Variants in SNX29 observed in about 807,000 individuals in gnomAD.
SNX29 encodes the protein sorting nexin 29.
Under a neutral mutation model 102.1 loss-of-function variants are expected in SNX29, and 78 were observed. The ratio of observed to expected loss-of-function variants is 0.76; its 90% CI spans 0.64 to 0.92. SNX29 has a LOEUF of 0.92. Among genes scored for constraint, SNX29 ranks in the 40% least tolerant of loss-of-function variants. The probability of loss-of-function intolerance (pLI) is 0.00; values close to 1 mark genes in which losing one functional copy is unlikely to be tolerated. For synonymous variants in SNX29, 580 were observed against 414.5 expected (o/e 1.40, Z -4.85); for missense variants, 1,280 against 1,061.7 (o/e 1.21, Z -2.86).
Position 12,512,339 on chromosome 16 carries a change from G to A in SNX29, c.2179-12363G>A, listed in dbSNP as rs180733858. On this transcript the variant is annotated intron_variant, in intron 19 of 20. Transcript: ENST00000566228. Reference sequence around the variant, plus strand: ...AGGGAGCTTGAATCTCCCCATCACTGTTTACGTCCATCATGGAAGGCCCAG... The same window carrying A: ...AGGGAGCTTGAATCTCCCCATCACTATTTACGTCCATCATGGAAGGCCCAG... Among the ~76,000 whole-genome samples, 69 of 130,894 alleles carry A rather than the reference G, an allele frequency of 5.3e-4. No individual in the cohort carries two copies. In the Middle Eastern group the frequency reaches 0.031, roughly 59 times the overall value. The allele number at this position is 130,894 out of a possible 152,430, so 85.9% of individuals were successfully genotyped here. A position where few individuals can be genotyped will look rare whatever the true frequency, so the allele number is the denominator to read the frequency against.
intron 13 of SNX29, among the ~76,000 whole-genome samples, chr16:12,165,284 A>C (rs543031958): frequency 6.6e-6 from 1 of 152,364 alleles, no homozygotes; most frequent in East Asian, 1.9e-4. Flanking sequence ...GCATTCTGCA[A>C]ACATCTTGCT....
At position 12,570,326 on chromosome 16, in the gene SNX29, T is replaced by A; in HGVS notation, c.*1697T>A. On this transcript the variant is annotated 3_prime_UTR_variant, in exon 21 of 21. Coordinates refer to ENST00000566228, the MANE Select transcript of SNX29 (RefSeq NM_032167.5). ...ACCCGAGACATCCTGTAAAGGCAAC[T>A]TGGTCTCCCTCCCACTCACCTGCCA... is the stretch of plus-strand genomic sequence containing the variant. 1.1e-6 allele frequency: 1 copy of A among 897,652 alleles called. No homozygotes were observed. The highest frequency in any genetic ancestry group is 1.4e-6 in the Non-Finnish European group (1 of 726,430). 55.6% of individuals were successfully genotyped at this position (897,652 alleles called of 1,614,324 possible).
chr16:12,528,628 C>T (rs899699546), intron 20 of SNX29, among the ~76,000 whole-genome samples: 2 of 152,206 alleles, frequency 1.3e-5, no homozygotes, highest in African/African-American at 4.8e-5. Flanking sequence ...GCATCCCCTC[C>T]ATGCTGTTTG....
chr16:12,268,726 C>T (rs867182619), intron 14 of SNX29, among the ~76,000 whole-genome samples: 1 of 152,130 alleles, frequency 6.6e-6, no homozygotes, highest in African/African-American at 2.4e-5. Context: ...TCTTTATTTT[C>T]GTCATCAGCA....
intron 15 of SNX29, among the ~76,000 whole-genome samples, chr16:12,301,331 C>CT (rs2080167147): frequency 2.0e-5 from 3 of 152,210 alleles, no homozygotes; most frequent in Non-Finnish European, 4.4e-5. Context: ...CCTGCCTTAC[C>CT]TGTCACCACA....
intron 20 of SNX29, among the ~76,000 whole-genome samples, chr16:12,534,027 G>A (rs543197053): frequency 6.6e-6 from 1 of 152,360 alleles, no homozygotes; most frequent in South Asian, 2.1e-4. Flanking sequence ...AGGGGACTTT[G>A]GTGCATAAGT....
intron 16 of SNX29, among the ~76,000 whole-genome samples, chr16:12,383,256 C>A (rs1014665630): frequency 6.6e-6 from 1 of 152,134 alleles, no homozygotes; most frequent in African/African-American, 2.4e-5. Flanking sequence ...GCAATCTTTA[C>A]ATACAGGGAT....
At chr16:12,549,091 C>CA (rs1567173908) in intron 20 of SNX29, among the ~76,000 whole-genome samples, 1 of 152,202 alleles carries the variant, frequency 6.6e-6, no homozygotes, top group Non-Finnish European at 1.5e-5. Flanking sequence ...CTCCCTGTTA[C>CA]AGTGTCATTT....
chr16:12,542,716 T>G (rs1397579667), intron 20 of SNX29, among the ~76,000 whole-genome samples: 1 of 151,336 alleles, frequency 6.6e-6, no homozygotes, highest in Non-Finnish European at 1.5e-5. Flanking sequence ...TCCCAGTCTT[T>G]TACTCTTAAA....
intron 14 of SNX29, among the ~76,000 whole-genome samples, chr16:12,230,835 T>C (rs2077747038): frequency 9.1e-6 from 1 of 109,390 alleles, no homozygotes; most frequent in South Asian, 2.3e-4. Flanking sequence ...TATGTATGTA[T>C]GTATGTATGT....
At chr16:12,476,442 ATG>A (rs2151816099) in intron 18 of SNX29, among the ~76,000 whole-genome samples, 1 of 96,160 alleles carries the variant, frequency 1.0e-5, no homozygotes, top group African/African-American at 4.1e-5. Flanking sequence ...ATATATATAT[ATG>A]ATGAGAATTG....
At position 12,572,594 on chromosome 16, in the gene SNX29, T is replaced by G. The variant is rs2079210962; in HGVS notation, c.*3965T>G. 1 of 1,064,210 alleles carries G rather than the reference T, an allele frequency of 9.4e-7. No homozygotes were observed. The allele number at this position is 1,064,210 out of a possible 1,614,324, so 65.9% of individuals were successfully genotyped here. ...CCAGCCATGTTCTCTGGGCTCCCAG[T>G]GAGCCCCCTCCCCTCCGGCTACCCC... On this transcript the variant is annotated 3_prime_UTR_variant, in exon 21 of 21. Coordinates refer to ENST00000566228, the MANE Select transcript of SNX29 (RefSeq NM_032167.5).
intron 13 of SNX29, among the ~76,000 whole-genome samples, chr16:12,174,886 A>AG (rs1318443688): frequency 2.6e-5 from 4 of 151,982 alleles, no homozygotes; most frequent in African/African-American, 9.7e-5. Flanking sequence ...TTGGATTTTT[A>AG]GGGGGAAGAA....
rs74011365 is a variant in SNX29, at chr16:12,536,146, G to T, written c.2318+11305G>T. ...CCAGCTTTGGTGCTGGCACTCGCCT[G>T]TGAGCGCAGAATCTCCTGGCTTAGC... On this transcript the variant is annotated intron_variant, in intron 20 of 20. Transcript: ENST00000566228. Among the ~76,000 whole-genome samples, 23 of 152,322 alleles carry T rather than the reference G, an allele frequency of 1.5e-4. 1 individual carries two copies. The highest frequency in any genetic ancestry group is 5.3e-4 in the African/African-American group (22 of 41,572).
intron 12 of SNX29, among the ~76,000 whole-genome samples, chr16:12,128,545 C>T (rs137882106): frequency 0.019 from 2,879 of 149,860 alleles, 90 homozygotes; most frequent in African/African-American, 0.068. Context: ...CTCTGCCTCC[C>T]GGGTTCAAGC....
At chr16:12,475,201 C>T (rs977804860) in intron 18 of SNX29, among the ~76,000 whole-genome samples, 3 of 152,166 alleles carry the variant, frequency 2.0e-5, no homozygotes, top group African/African-American at 7.2e-5. Context: ...ATCAGGGGTT[C>T]CTGAAATTGC....
intron 20 of SNX29, chr16:12,545,517 T>G (rs561385719): frequency 6.6e-6 from 1 of 152,246 alleles, no homozygotes; most frequent in Non-Finnish European, 1.5e-5. Flanking sequence ...CCTGTCAGAG[T>G]GGGTGACCAG....
intron 18 of SNX29, among the ~76,000 whole-genome samples, chr16:12,423,109 C>T (rs745845889): frequency 2.6e-5 from 4 of 152,078 alleles, no homozygotes; most frequent in Admixed American, 6.6e-5. Flanking sequence ...ACCAAGCCTT[C>T]ATGCTACAGG....
intron 18 of SNX29, among the ~76,000 whole-genome samples, chr16:12,448,635 C>G (rs2086168540): frequency 6.6e-6 from 1 of 152,096 alleles, no homozygotes; most frequent in African/African-American, 2.4e-5. Context: ...CCAGAAAATC[C>G]TCTTGCCCTC....
Sources: allele counts gnomAD v4.1 joint callset (sites outside exome capture counted in the v4.1 genomes callset), GRCh38; gene constraint gnomAD v4.1.1; transcripts MANE v1.5; gene names NCBI Gene and HGNC (gene_info 2026-07-23, HGNC 2026-07-21).